The following ZNF841 variants were observed in gnomAD, a reference collection of about 807,000 sequenced individuals.
ZNF841 encodes zinc finger protein 841.
A neutral mutation model predicts 13.0 loss-of-function variants in ZNF841; 11 were observed. The observed-to-expected ratio is 0.85, with a 90% CI of 0.53 to 1.40. ZNF841 has a LOEUF of 1.40. ZNF841 is among the 40% of genes most tolerant of loss of function. ZNF841 has a pLI of 0.00. For synonymous variants in ZNF841, 369 were observed against 381.6 expected, an observed-to-expected ratio of 0.97 and a Z score of 0.38; for missense variants, 1,068 against 1,139.5, an observed-to-expected ratio of 0.94 and a Z score of 0.90.
At chr19:52,072,828 AAAAC>A (rs932157579) in intron 6 of ZNF841, among the ~76,000 whole-genome samples, 1 of 152,232 alleles carries the variant, frequency 6.6e-6, no homozygotes, top group Admixed American at 6.5e-5. Context: ...TCAAAAAACA[AAAAC>A]AAACAAACAA....
chr19:52,086,255 T>C (rs576182992), intron 3 of ZNF841, among the ~76,000 whole-genome samples: 1 of 152,176 alleles, frequency 6.6e-6, no homozygotes, highest in South Asian at 2.1e-4. Context: ...TGGGGCCTGG[T>C]GGGAGGTGGA....
At position 52,065,682 on chromosome 19, in the gene ZNF841, C is replaced by G; in HGVS notation, c.2200G>C (p.Glu734Gln). ...LVYHQRRHTG[E>Q]MPYKCIECGK... is the part of the protein sequence containing the mutation. ...CATTCAATACATTTGTATGGCATCT[C>G]TCCAGTATGTCTTCTCTGATGGTAC... The change falls in exon 7 of 7, where the codon GAG becomes CAG. Residue 734 changes from glutamate to glutamine, a missense_variant. Glu to Gln is a conservative substitution (Grantham distance 29). Transcript: ENST00000594440. The G allele has an allele frequency of 6.2e-7, 1 of 1,603,264 alleles. No individual in the cohort carries two copies. Among genetic ancestry groups the G allele is most frequent in the Non-Finnish European group, 8.5e-7 (1 of 1,174,316 alleles).
At chr19:52,063,182 G>T (rs1398658893), downstream of ZNF841, among the ~76,000 whole-genome samples, 1 of 151,300 alleles carries the variant, frequency 6.6e-6, no homozygotes, top group Non-Finnish European at 1.5e-5. Flanking sequence ...GCTGAGAAAT[G>T]GTTTAAAATT....
At position 52,067,287 on chromosome 19, in the gene ZNF841, G is replaced by A; in HGVS notation, c.595C>T (p.Gln199Ter). Residue 199 changes from glutamine (Q) to a stop codon, truncating the protein, a stop_gained, in exon 7 of 7, where the codon CAA becomes TAA. Transcript: ENST00000594440. LOFTEE classifies it low-confidence loss of function (END_TRUNC). ...CATCCATAAATTTTCTCTGCAGTTT[G>A]AAATTTCTGCAATTCACCCAGACCG... Reference protein sequence around the residue: ...QSGLGELQKFQTAEKIYGCNQ... With the variant: ...QSGLGELQKF 1 of 1,551,690 alleles carries A rather than the reference G, an allele frequency of 6.4e-7. No homozygotes were observed. Among genetic ancestry groups the A allele is most frequent in the African/African-American group, 1.4e-5 (1 of 73,150 alleles).
chr19:52,081,750 A>G (rs1485997509), intron 4 of ZNF841, among the ~76,000 whole-genome samples: 1 of 152,190 alleles, frequency 6.6e-6, no homozygotes, highest in African/African-American at 2.4e-5. Context: ...GCTACTCAGG[A>G]GGCTGAAGTG....
At chr19:52,091,770 T>G (rs1008931686) in intron 2 of ZNF841, among the ~76,000 whole-genome samples, 4 of 152,192 alleles carry the variant, frequency 2.6e-5, no homozygotes, top group Non-Finnish European at 5.9e-5. Flanking sequence ...ACATTGATCT[T>G]GGCAATGATT....
downstream of ZNF841, among the ~76,000 whole-genome samples, chr19:52,061,708 A>AGTATGTACAT (rs1270998522): frequency 6.6e-6 from 1 of 151,906 alleles, no homozygotes; most frequent in African/African-American, 2.4e-5. Flanking sequence ...CACCATGCCC[A>AGTATGTACAT]TCTAATTTTG....
rs1380733705 is a variant in ZNF841 at position 52,066,967 on chromosome 19, T to A, written c.915A>T (p.Thr305=). ...GKAFHRGSLL[T]VHQIVHTRGK... ...CTCTTGTATGGACTATCTGATGTAC[T>A]GTTAGTAGTGAGCCCCGATGAAAGG... The change falls in exon 7 of 7, where the codon ACA becomes ACT. Residue 305 remains threonine (T), a synonymous_variant. Coordinates refer to ENST00000594440, the MANE Select transcript of ZNF841 (RefSeq NM_001136499.2). The A allele has an allele frequency of 6.2e-7, 1 of 1,614,066 alleles. No homozygotes were observed. The highest frequency in any genetic ancestry group is 2.2e-5 in the East Asian group (1 of 44,876).
At chr19:52,086,123 G>C (rs2088265632) in intron 3 of ZNF841, among the ~76,000 whole-genome samples, 1 of 152,118 alleles carries the variant, frequency 6.6e-6, no homozygotes, top group Non-Finnish European at 1.5e-5. Flanking sequence ...CAGAATTCTA[G>C]AGTTCAGGGG....
intron 4 of ZNF841, 135 bp downstream of exon 4, chr19:52,084,652 C>A (rs1179025150): frequency 1.1e-5 from 10 of 916,444 alleles, no homozygotes; most frequent in Non-Finnish European, 1.7e-5. Context: ...AAGAGAGGGA[C>A]TGAAGGAAGG....
chr19:52,077,208 T>C (rs918481597), intron 4 of ZNF841, 124 bp from the exon 5 acceptor site: 1 of 1,106,928 alleles, frequency 9.0e-7, no homozygotes, highest in Non-Finnish European at 1.2e-6. Flanking sequence ...CCATTAAAAG[T>C]ATCTGTGAGA....
intron 1 of ZNF841, among the ~76,000 whole-genome samples, chr19:52,094,403 T>C (rs2088604021): frequency 6.6e-6 from 1 of 152,152 alleles, no homozygotes; most frequent in Non-Finnish European, 1.5e-5. Flanking sequence ...ATTCTGAGCG[T>C]CTTTTTTTTC....
intron 4 of ZNF841, among the ~76,000 whole-genome samples, chr19:52,079,662 T>G (rs2088029598): frequency 6.6e-6 from 1 of 151,332 alleles, no homozygotes; most frequent in South Asian, 2.1e-4. Flanking sequence ...AAGGAGGGGG[T>G]AGAGCCAAAG....
downstream of ZNF841, chr19:52,064,387 A>AAAC (rs2087470915): frequency 6.7e-6 from 1 of 149,190 alleles, no homozygotes; most frequent in Admixed American, 6.7e-5. Flanking sequence ...AAAAAAAAAA[A>AAAC]AACTTAGCTA....
intron 2 of ZNF841, among the ~76,000 whole-genome samples, chr19:52,093,233 T>C (rs1027856264): frequency 6.6e-5 from 10 of 152,184 alleles, no homozygotes; most frequent in Admixed American, 2.0e-4. Context: ...TGTGTGTATA[T>C]AGACATATAC....
chr19:52,059,370 A>C, the ZNF841 span, among the ~76,000 whole-genome samples: 2 of 69,656 alleles, frequency 2.9e-5, no homozygotes, highest in African/African-American at 1.6e-4. Context: ...AAAAAAAAAA[A>C]ATATATATAT....
chr19:52,076,814 T>C (rs1359413492), intron 5 of ZNF841, 144 bp downstream of exon 5: 5 of 958,920 alleles, frequency 5.2e-6, no homozygotes, highest in African/African-American at 1.7e-5. Context: ...AAAGGCCAGA[T>C]GCAGCATTAT....
chr19:52,079,411 C>A (rs2088016499), intron 4 of ZNF841, among the ~76,000 whole-genome samples: 1 of 103,692 alleles, frequency 9.6e-6, no homozygotes. Context: ...ATTTAAAAAT[C>A]ATGTTGCAAA....
At chr19:52,083,005 G>A (rs140792336) in intron 4 of ZNF841, among the ~76,000 whole-genome samples, 17 of 151,926 alleles carry the variant, frequency 1.1e-4, no homozygotes, top group South Asian at 4.2e-4. Context: ...GTGTGAACCC[G>A]GGAGGCGGAG....
Sources: gnomAD v4.1 joint callset for allele counts (sites outside exome capture counted in the v4.1 genomes callset) on GRCh38, gnomAD v4.1.1 for gene constraint, MANE v1.5 for transcripts, NCBI Gene and HGNC (gene_info 2026-07-23, HGNC 2026-07-21) for gene names.